ZNF544: variants seen among roughly 807,000 people sequenced by gnomAD.
ZNF544 encodes the protein zinc finger protein 544.
A neutral mutation model predicts 13.5 loss-of-function variants in ZNF544; 10 were observed. That is an observed-to-expected ratio of 0.74 (90% CI 0.46 to 1.25). The LOEUF (loss-of-function observed/expected upper bound fraction) is 1.25. ZNF544 is among the 50% of genes most tolerant of loss of function. ZNF544 has a pLI of 0.00. For missense variants in ZNF544, 896 were observed against 845.6 expected, an observed-to-expected ratio of 1.06 and a Z score of -0.74; for synonymous variants, 323 against 300.5, an observed-to-expected ratio of 1.07 and a Z score of -0.77.
chr19:58,242,369 A>G, intron 3 of ZNF544: 1 of 789,416 alleles, frequency 1.3e-6, no homozygotes, highest in South Asian at 5.7e-5. Context: ...TCATGGCTTG[A>G]TACTTGATAT....
intron 6 of ZNF544, among the ~76,000 whole-genome samples, chr19:58,255,179 C>T (rs922591695): frequency 1.0e-4 from 15 of 149,986 alleles, no homozygotes; most frequent in African/African-American, 2.2e-4. Context: ...TGAGCCACAG[C>T]GCCCAGCCTT....
At chr19:58,269,322 C>CTGAA (rs950781087) in intron 5 of ZNF544, among the ~76,000 whole-genome samples, 1 of 152,126 alleles carries the variant, frequency 6.6e-6, no homozygotes, top group Non-Finnish European at 1.5e-5. Context: ...ATAATCCCAG[C>CTGAA]TATTCAGGAG....
chr19:58,276,458 A>C, intron 6 of ZNF544: 1 of 1,191,148 alleles, frequency 8.4e-7, no homozygotes, highest in Non-Finnish European at 1.1e-6. Flanking sequence ...CAAAAGTCAG[A>C]ATTTTATTTT....
chr19:58,243,077 T>C (rs1283079410), intron 3 of ZNF544, among the ~76,000 whole-genome samples: 6 of 152,064 alleles, frequency 3.9e-5, no homozygotes, highest in African/African-American at 1.2e-4. Context: ...GTCTGCCTGC[T>C]TCAGCCTCCC....
At chr19:58,266,703 C>T (rs1039881375), downstream of ZNF544, 6 of 147,218 alleles carry the variant, frequency 4.1e-5, no homozygotes, top group East Asian at 5.9e-4. Flanking sequence ...CAGACTCTTC[C>T]CCATTTTTTT....
chr19:58,266,359 C>CA (rs1051159734), downstream of ZNF544, among the ~76,000 whole-genome samples: 7 of 150,738 alleles, frequency 4.6e-5, no homozygotes, highest in South Asian at 2.1e-4. Flanking sequence ...ACTGAAAATA[C>CA]AAAAAATCAG....
intron 5 of ZNF544, among the ~76,000 whole-genome samples, chr19:58,273,888 C>G (rs537128997): frequency 2.6e-5 from 4 of 151,552 alleles, no homozygotes; most frequent in Non-Finnish European, 5.9e-5. Flanking sequence ...CTCTGCCTCC[C>G]GGGTTCAAGT....
intron 6 of ZNF544, among the ~76,000 whole-genome samples, chr19:58,248,274 T>C (rs1218273690): frequency 6.0e-5 from 3 of 50,334 alleles, no homozygotes; most frequent in African/African-American, 1.9e-4. Flanking sequence ...TTTTTTTTTC[T>C]TTTTTTTTTT....
intron 3 of ZNF544, among the ~76,000 whole-genome samples, chr19:58,234,429 G>A (rs2041982065): frequency 6.6e-6 from 1 of 152,224 alleles, no homozygotes; most frequent in African/African-American, 2.4e-5. Context: ...TGCTACCTGG[G>A]AAAAGGCCCC....
intron 6 of ZNF544, among the ~76,000 whole-genome samples, chr19:58,254,981 G>A (rs1347810119): frequency 6.0e-5 from 9 of 151,186 alleles, no homozygotes; most frequent in Middle Eastern, 3.4e-3. Context: ...TCCGCCTCCC[G>A]GGTTCACGCC....
At chr19:58,237,564 C>A (rs559484078) in intron 3 of ZNF544, among the ~76,000 whole-genome samples, 25 of 152,364 alleles carry the variant, frequency 1.6e-4, no homozygotes, top group Admixed American at 1.2e-3. Flanking sequence ...AGACCCTTGC[C>A]CCGCCAGCGG....
chr19:58,277,264 C>T (rs1298276466), exon 7 of ZNF544: 6 of 748,998 alleles, frequency 8.0e-6, no homozygotes, highest in Middle Eastern at 4.9e-4. Context: ...CCTCAGGAGT[C>T]GGCCAGAAGG....
At chr19:58,232,665 C>A (rs1258414314) in intron 3 of ZNF544, among the ~76,000 whole-genome samples, 1 of 150,966 alleles carries the variant, frequency 6.6e-6, no homozygotes, top group African/African-American at 2.4e-5. Context: ...CGCGGTGGCT[C>A]ACGCCTGTAA....
chr19:58,276,066 A>C (rs2051199833), intron 5 of ZNF544, among the ~76,000 whole-genome samples: 1 of 152,128 alleles, frequency 6.6e-6, no homozygotes, highest in African/African-American at 2.4e-5. Flanking sequence ...GCTCCCAGCT[A>C]CTCAGGAGGC....
Position 58,262,259 on chromosome 19 carries a change from T to C in ZNF544, c.1653T>C (p.Ile551=), listed in dbSNP as rs189552588. 1.7e-5 allele frequency: 27 copies of C among 1,613,948 alleles called. No individual in the cohort carries two copies. In the Admixed American group the frequency reaches 2.0e-4, roughly 12 times the overall value. ...IHTGEKPYQC[I]ECGKSFRWNS... is the part of the protein sequence containing the mutation. ...CTGGAGAAAAACCGTATCAGTGTATTGAATGTGGGAAATCCTTCAGATGGA... is the reference window on the plus strand; with the variant it reads ...CTGGAGAAAAACCGTATCAGTGTATCGAATGTGGGAAATCCTTCAGATGGA... The change falls in exon 7 of 7, where the codon ATT becomes ATC. Residue 551 remains isoleucine (I), a synonymous_variant. Transcript: ENST00000687789.
In ZNF544 at chr19:58,248,730, A is replaced by T. The variant is rs781056562; in HGVS notation, c.244+1936A>T. ...AGGTTCTTGGCATTTTGAACAAAGA[A>T]TTGGACAAAATGCATAAAACAATGA... On this transcript the variant is annotated intron_variant, in intron 6 of 6. Transcript: ENST00000687789. 4.7e-4 allele frequency among the ~76,000 whole-genome samples: 72 copies of T among 152,182 alleles called. 1 individual carries two copies. Among genetic ancestry groups the T allele is most frequent in the Admixed American group, 3.3e-4 (5 of 15,280 alleles).
Position 58,261,081 on chromosome 19 carries a change from C to T in ZNF544, c.475C>T (p.Leu159Phe). 1.2e-6 allele frequency: 2 copies of T among 1,614,154 alleles called. No homozygotes were observed. Among genetic ancestry groups the T allele is most frequent in the Non-Finnish European group, 1.7e-6 (2 of 1,180,024 alleles). ...RLFAQREHCELELGGGYSLPS... is the reference protein window; with the variant it reads ...RLFAQREHCEFELGGGYSLPS... ...GTTTGCTCAAAGGGAACATTGTGAG[C>T]TTGAACTTGGGGGAGGTTATTCTCT... The change falls in exon 7 of 7, where the codon CTT (leucine) becomes TTT (phenylalanine). Residue 159 changes from leucine to phenylalanine, a missense_variant. Transcript: ENST00000687789.
intron 3 of ZNF544, among the ~76,000 whole-genome samples, chr19:58,243,170 G>T (rs1192332666): frequency 6.6e-6 from 1 of 152,054 alleles, no homozygotes; most frequent in African/African-American, 2.4e-5. Context: ...AGAAAGCATT[G>T]TGCAAATGAA....
chr19:58,229,819 A>G (rs2040822236), intron 2 of ZNF544: 1 of 152,328 alleles, frequency 6.6e-6, no homozygotes, highest in African/African-American at 2.4e-5. Flanking sequence ...AGGCAGTGCT[A>G]ATGAGGAAGG....
Sources: allele counts gnomAD v4.1 joint callset (sites outside exome capture counted in the v4.1 genomes callset), GRCh38; gene constraint gnomAD v4.1.1; transcripts MANE v1.5; gene names NCBI Gene and HGNC (gene_info 2026-07-23, HGNC 2026-07-21).